Variants in C3orf49 observed in about 807,000 individuals in gnomAD.
The protein encoded by C3orf49 is putative uncharacterized protein C3orf49.
C3orf49 carries 27 observed loss-of-function variants against 13.3 expected under a neutral mutation model. The ratio of observed to expected loss-of-function variants is 2.02; its 90% CI spans 1.49 to 2.79. The LOEUF (loss-of-function observed/expected upper bound fraction) is 2.79, where lower values mean the gene tolerates loss of function less well. C3orf49 is among the 30% of genes most tolerant of loss of function. C3orf49 has a pLI of 0.00. For synonymous variants in C3orf49, 87 were observed against 47.6 expected (o/e 1.83, Z -3.40); for missense variants, 242 against 134.2 (o/e 1.80, Z -3.97).
At chr3:63,825,910 TC>T (rs896480323) in intron 2 of C3orf49, among the ~76,000 whole-genome samples, 4 of 152,134 alleles carry the variant, frequency 2.6e-5, no homozygotes, top group Non-Finnish European at 5.9e-5. Flanking sequence ...AGGAAAGGCT[TC>T]CCCAAGGAAG....
chr3:63,806,177 T>G, the C3orf49 span, among the ~76,000 whole-genome samples: 2 of 152,312 alleles, frequency 1.3e-5, no homozygotes, highest in South Asian at 4.1e-4. Context: ...TTCCTCACCT[T>G]TAGTGTGGAT....
chr3:63,790,948 C>T, the C3orf49 span, among the ~76,000 whole-genome samples: 1 of 152,150 alleles, frequency 6.6e-6, no homozygotes, highest in Admixed American at 6.6e-5. Flanking sequence ...GCCCTGTAGG[C>T]AAGCTCAGGA....
the C3orf49 span, among the ~76,000 whole-genome samples, chr3:63,780,259 C>T: frequency 1.5e-3 from 230 of 152,120 alleles, 1 homozygote; most frequent in Admixed American, 4.3e-3. Flanking sequence ...TTTGTCCTTG[C>T]GATAGTTTGC....
At chr3:63,846,332 A>C in intron 6 of C3orf49, 1 of 295,962 alleles carries the variant, frequency 3.4e-6, no homozygotes, top group Non-Finnish European at 6.9e-6. Flanking sequence ...CCACAGTTCA[A>C]GATTTTCCTA....
chr3:63,824,664 C>A (rs557820192), intron 2 of C3orf49, among the ~76,000 whole-genome samples: 4 of 151,904 alleles, frequency 2.6e-5, no homozygotes, highest in Non-Finnish European at 4.4e-5. Flanking sequence ...TATGGTGAAA[C>A]CATCTCTACA....
the C3orf49 span, among the ~76,000 whole-genome samples, chr3:63,801,906 C>G: frequency 6.6e-6 from 1 of 152,178 alleles, no homozygotes; most frequent in East Asian, 1.9e-4. Flanking sequence ...ATTTTGCTCC[C>G]TAGCATCTTA....
chr3:63,786,894 G>C, the C3orf49 span, among the ~76,000 whole-genome samples: 1 of 152,152 alleles, frequency 6.6e-6, no homozygotes, highest in South Asian at 2.1e-4. Flanking sequence ...TCTCGAGAAA[G>C]ACAGCAGTGG....
chr3:63,810,657 G>A, the C3orf49 span, among the ~76,000 whole-genome samples: 1 of 152,178 alleles, frequency 6.6e-6, no homozygotes, highest in South Asian at 2.1e-4. Context: ...ATGGTGTCTT[G>A]TTGCCATTGC....
the C3orf49 span, among the ~76,000 whole-genome samples, chr3:63,812,723 A>T: frequency 1.3e-5 from 2 of 152,226 alleles, no homozygotes; most frequent in African/African-American, 4.8e-5. Flanking sequence ...GAGAAAAAAA[A>T]TTTAAACCGT....
chr3:63,813,250 T>C, the C3orf49 span, among the ~76,000 whole-genome samples: 2 of 152,200 alleles, frequency 1.3e-5, no homozygotes, highest in African/African-American at 2.4e-5. Context: ...TGTACTTGTG[T>C]AGGATAGCTG....
the C3orf49 span, among the ~76,000 whole-genome samples, chr3:63,808,169 T>C: frequency 2.0e-5 from 3 of 152,206 alleles, no homozygotes; most frequent in African/African-American, 7.2e-5. Context: ...TAGAAGCCTC[T>C]GGCTGGACCA....
the C3orf49 span, among the ~76,000 whole-genome samples, chr3:63,804,471 C>T: frequency 6.6e-6 from 1 of 152,140 alleles, no homozygotes; most frequent in Non-Finnish European, 1.5e-5. Flanking sequence ...TTACCATGCT[C>T]CTTCTTGCTA....
At chr3:63,822,618 C>T (rs1201325036) in intron 1 of C3orf49, among the ~76,000 whole-genome samples, 1 of 152,114 alleles carries the variant, frequency 6.6e-6, no homozygotes, top group Non-Finnish European at 1.5e-5. Context: ...ACACAGAAAG[C>T]TATCAGGAAA....
chr3:63,794,812 A>C, the C3orf49 span, among the ~76,000 whole-genome samples: 3 of 152,118 alleles, frequency 2.0e-5, no homozygotes, highest in South Asian at 6.2e-4. Flanking sequence ...TGAGGCAGGA[A>C]AATAGGGTCT....
At chr3:63,803,826 T>A in the C3orf49 span, among the ~76,000 whole-genome samples, 753 of 152,256 alleles carry the variant, frequency 4.9e-3, 4 homozygotes, top group African/African-American at 0.017. Flanking sequence ...TTATATTTAC[T>A]GTGCACTTTA....
the C3orf49 span, among the ~76,000 whole-genome samples, chr3:63,795,666 G>T: frequency 1.3e-5 from 2 of 152,078 alleles, no homozygotes; most frequent in East Asian, 3.9e-4. Flanking sequence ...GTACAAACTG[G>T]TAATTCCACA....
the C3orf49 span, among the ~76,000 whole-genome samples, chr3:63,789,372 G>GTA: frequency 6.6e-6 from 1 of 152,170 alleles, no homozygotes; most frequent in East Asian, 1.9e-4. Context: ...ACAAAACCTT[G>GTA]TATAGGAGAG....
intron 3 of C3orf49, among the ~76,000 whole-genome samples, chr3:63,830,494 G>A (rs925217174): frequency 6.6e-6 from 1 of 152,074 alleles, no homozygotes; most frequent in Non-Finnish European, 1.5e-5. Context: ...TTAAGCACAA[G>A]GGGAAGGAAG....
At chr3:63,820,657 G>A (rs2107093142) in intron 1 of C3orf49, among the ~76,000 whole-genome samples, 1 of 152,262 alleles carries the variant, frequency 6.6e-6, no homozygotes, top group African/African-American at 2.4e-5. Flanking sequence ...GTTTATAGTA[G>A]TAGAATCACT....
Sources: gnomAD v4.1 joint callset for allele counts (sites outside exome capture counted in the v4.1 genomes callset) on GRCh38, gnomAD v4.1.1 for gene constraint, MANE v1.5 for transcripts, NCBI Gene and HGNC (gene_info 2026-07-23, HGNC 2026-07-21) for gene names.